The following KPNA1 variants were observed in gnomAD, a reference collection of about 807,000 sequenced individuals.
The protein encoded by KPNA1 is importin subunit alpha-5.
In KPNA1, 10 loss-of-function variants were observed where a neutral mutation model predicts 70.5. The ratio of observed to expected loss-of-function variants is 0.14; its 90% CI spans 0.09 to 0.24. KPNA1 has a LOEUF of 0.24. KPNA1 is among the 10% of genes least tolerant of loss of function. The pLI, the probability that KPNA1 is intolerant of heterozygous loss-of-function variation, is 1.00. For missense variants in KPNA1, 397 were observed against 637.9 expected (o/e 0.62, Z 4.07); for synonymous variants, 192 against 221.9 (o/e 0.87, Z 1.20).
At chr3:122,459,751 G>A (rs1397207054) in intron 5 of KPNA1, 2 of 985,300 alleles carry the variant, frequency 2.0e-6, no homozygotes, top group Non-Finnish European at 2.4e-6. Context: ...AAGAAAAACT[G>A]ATGTGACATT....
chr3:122,423,513 T>C lies in KPNA1; in HGVS notation c.*3472A>G, dbSNP rs2075782923. On this transcript the variant is annotated 3_prime_UTR_variant, in exon 14 of 14. Coordinates refer to ENST00000344337, the MANE Select transcript of KPNA1 (RefSeq NM_002264.4). ...TTAAAAACCATCAACCCCTAAAAAG[T>C]TATAATGATTTGCCTATTGATATAA... is the stretch of plus-strand genomic sequence containing the variant. 1 of 152,526 alleles carries C rather than the reference T, an allele frequency of 6.6e-6. No individual in the cohort carries two copies. The highest frequency in any genetic ancestry group is 2.1e-4 in the South Asian group (1 of 4,832). The allele number at this position is 152,526 out of a possible 1,614,324, so 9.4% of individuals were successfully genotyped here. A position where few individuals can be genotyped will look rare whatever the true frequency, so the allele number is the denominator to read the frequency against.
chr3:122,452,693 GGGAGAGAC>G (rs1394145589), intron 6 of KPNA1, among the ~76,000 whole-genome samples: 8 of 137,674 alleles, frequency 5.8e-5, no homozygotes, highest in East Asian at 2.3e-4. Context: ...GAGGGAGGGA[GGGAGAGAC>G]GGAGAGACGG....
At position 122,422,054 on chromosome 3, in the gene KPNA1, T is replaced by C. The variant is rs2075770802; in HGVS notation, c.*4931A>G. ...AAAGAATCATTAGAGCCATTCCAAA[T>C]CTAAGTGTCAGAACACTTTGAAGCA... is the stretch of plus-strand genomic sequence containing the variant. On this transcript the variant is annotated 3_prime_UTR_variant, in exon 14 of 14. Transcript: ENST00000344337. 6.6e-6 allele frequency: 1 copy of C among 152,186 alleles called. No individual in the cohort carries two copies. Among genetic ancestry groups the C allele is most frequent in the South Asian group, 2.1e-4 (1 of 4,830 alleles). The allele number at this position is 152,186 out of a possible 1,614,324, so 9.4% of individuals were successfully genotyped here.
chr3:122,449,502 T>C, intron 9 of KPNA1, 72 bp downstream of exon 9: 1 of 1,186,338 alleles, frequency 8.4e-7, no homozygotes, highest in Non-Finnish European at 1.2e-6. Context: ...TCCATTAATA[T>C]TTAAGTATTA....
At chr3:122,446,193 C>T (rs894527814) in intron 9 of KPNA1, among the ~76,000 whole-genome samples, 1 of 152,182 alleles carries the variant, frequency 6.6e-6, no homozygotes, top group African/African-American at 2.4e-5. Flanking sequence ...CTACAGAACT[C>T]TCCACCCCAA....
At chr3:122,468,866 A>C (rs2076410695) in intron 2 of KPNA1, among the ~76,000 whole-genome samples, 1 of 152,260 alleles carries the variant, frequency 6.6e-6, no homozygotes, top group African/African-American at 2.4e-5. Flanking sequence ...ATAATCTCTG[A>C]GCTTAAGGAA....
intron 9 of KPNA1, among the ~76,000 whole-genome samples, chr3:122,448,311 C>T (rs2076163062): frequency 6.6e-6 from 1 of 152,168 alleles, no homozygotes; most frequent in African/African-American, 2.4e-5. Flanking sequence ...TATTGCGGCA[C>T]TATTCACAAT....
chr3:122,441,521 T>A (rs1233250770), intron 10 of KPNA1, among the ~76,000 whole-genome samples: 2 of 151,984 alleles, frequency 1.3e-5, no homozygotes, highest in Admixed American at 1.3e-4. Flanking sequence ...ATAGTCACTA[T>A]CATAGGACAA....
At chr3:122,471,684 A>C (rs912398642) in intron 2 of KPNA1, among the ~76,000 whole-genome samples, 1 of 152,158 alleles carries the variant, frequency 6.6e-6, no homozygotes, top group Non-Finnish European at 1.5e-5. Context: ...TCTACTAAAA[A>C]TACAAAAATT....
At chr3:122,454,194 G>A (rs1434055809) in intron 5 of KPNA1, among the ~76,000 whole-genome samples, 193 bp from the exon 6 acceptor site, 2 of 151,892 alleles carry the variant, frequency 1.3e-5, no homozygotes, top group African/African-American at 4.8e-5. Context: ...GAATATTCAG[G>A]GTGTCTAAAA....
At chr3:122,478,603 T>C (rs2076532725) in intron 2 of KPNA1, among the ~76,000 whole-genome samples, 2 of 151,728 alleles carry the variant, frequency 1.3e-5, no homozygotes, top group African/African-American at 4.8e-5. Context: ...ATGTCTGTAA[T>C]CCCAGCTACT....
chr3:122,484,261 A>G (rs1173779966), intron 2 of KPNA1, among the ~76,000 whole-genome samples: 1 of 152,260 alleles, frequency 6.6e-6, no homozygotes, highest in Non-Finnish European at 1.5e-5. Flanking sequence ...TGTTTAAAAA[A>G]GAATTACAAT....
At chr3:122,427,210 TTCAA>T (rs1291711139) in intron 13 of KPNA1, 38 bp from the exon 14 acceptor site, 4 of 1,463,826 alleles carry the variant, frequency 2.7e-6, no homozygotes, top group Non-Finnish European at 3.8e-6. Flanking sequence ...TATTGAAAAC[TTCAA>T]TAAATATTGG....
chr3:122,435,147 A>G (rs536879554), intron 11 of KPNA1, among the ~76,000 whole-genome samples: 30 of 152,342 alleles, frequency 2.0e-4, no homozygotes, highest in African/African-American at 6.5e-4. Context: ...ATAATTGTAT[A>G]TATTTATGGG....
intron 9 of KPNA1, among the ~76,000 whole-genome samples, chr3:122,444,260 G>C (rs1326715677): frequency 3.3e-5 from 5 of 152,126 alleles, no homozygotes; most frequent in Non-Finnish European, 5.9e-5. Flanking sequence ...TGTTCTTTTA[G>C]AATGCCCAGA....
intron 2 of KPNA1, among the ~76,000 whole-genome samples, chr3:122,475,891 C>A (rs1264937090): frequency 6.6e-6 from 1 of 152,048 alleles, no homozygotes; most frequent in Non-Finnish European, 1.5e-5. Flanking sequence ...ATCATAAGGG[C>A]CTTCATCTTC....
chr3:122,478,425 C>T lies in KPNA1; in HGVS notation c.130-10996G>A, dbSNP rs564383749. On this transcript the variant is annotated intron_variant, in intron 2 of 13. Coordinates refer to ENST00000344337, the MANE Select transcript of KPNA1 (RefSeq NM_002264.4). ...TCACCTGAGGTCAGGAGTTCAAGAC[C>T]AGCCTGACCAACATGGTGAAACCCC... Among the ~76,000 whole-genome samples the T allele has an allele frequency of 3.9e-5, 6 of 152,116 alleles. No homozygotes were observed. In the South Asian group the frequency reaches 1.3e-3, roughly 32 times the overall value.
chr3:122,514,029 T>C (rs80348680), intron 1 of KPNA1, among the ~76,000 whole-genome samples: 1,647 of 152,366 alleles, frequency 0.011, 107 homozygotes, highest in Admixed American at 0.088. Flanking sequence ...GACGACTTCC[T>C]TGACTCCAGT....
chr3:122,501,217 C>G (rs1010091830), intron 1 of KPNA1, among the ~76,000 whole-genome samples: 1 of 151,654 alleles, frequency 6.6e-6, no homozygotes, highest in African/African-American at 2.4e-5. Context: ...TTAGTAGAGT[C>G]GAGGTTTCAC....
Sources: gnomAD v4.1 joint callset for allele counts (sites outside exome capture counted in the v4.1 genomes callset) on GRCh38, gnomAD v4.1.1 for gene constraint, MANE v1.5 for transcripts, NCBI Gene and HGNC (gene_info 2026-07-23, HGNC 2026-07-21) for gene names.